Variants in CACHD1 observed in about 807,000 individuals in gnomAD.
CACHD1 encodes VWFA and cache domain-containing protein 1.
A neutral mutation model predicts 138.7 loss-of-function variants in CACHD1; 71 were observed. That is an observed-to-expected ratio of 0.51 (90% confidence interval 0.42 to 0.62). The LOEUF (loss-of-function observed/expected upper bound fraction) is 0.62. Among genes scored for constraint, CACHD1 ranks in the 20% least tolerant of loss-of-function variants. CACHD1 has a pLI of 0.00. For missense variants in CACHD1, 1,389 were observed against 1,625.3 expected, an observed-to-expected ratio of 0.85 and a Z score of 2.50; for synonymous variants, 578 against 591.5, an observed-to-expected ratio of 0.98 and a Z score of 0.33.
At chr1:64,664,441 A>C in intron 14 of CACHD1, 57 bp from the exon 15 acceptor site, 1 of 1,532,638 alleles carries the variant, frequency 6.5e-7, no homozygotes. Context: ...CCAGCAGCCC[A>C]CTCTCTTTTC....
At chr1:64,480,132 A>G (rs1376877242) in intron 1 of CACHD1, among the ~76,000 whole-genome samples, 1 of 152,148 alleles carries the variant, frequency 6.6e-6, no homozygotes, top group Non-Finnish European at 1.5e-5. Context: ...CAGGCCTGCC[A>G]TTTCTCCCTG....
At chr1:64,543,866 CTTTTTTT>C (rs370129207) in intron 1 of CACHD1, among the ~76,000 whole-genome samples, 1 of 77,510 alleles carries the variant, frequency 1.3e-5, no homozygotes, top group South Asian at 5.5e-4. Flanking sequence ...CTTTTCAGTG[CTTTTTTT>C]TTTTTTTTTT....
At chr1:64,605,629 C>A (rs901701350) in intron 4 of CACHD1, among the ~76,000 whole-genome samples, 3 of 152,118 alleles carry the variant, frequency 2.0e-5, no homozygotes, top group Admixed American at 1.3e-4. Flanking sequence ...AAAGGGCAGG[C>A]TTGGGCAGAC....
intron 8 of CACHD1, among the ~76,000 whole-genome samples, chr1:64,643,652 C>A (rs191864968): frequency 1.3e-5 from 2 of 152,050 alleles, no homozygotes; most frequent in South Asian, 2.1e-4. Context: ...CTGGCTAACA[C>A]GGTGAAACCC....
chr1:64,620,890 T>A (rs1025444281), intron 4 of CACHD1, among the ~76,000 whole-genome samples: 1 of 152,190 alleles, frequency 6.6e-6, no homozygotes, highest in Non-Finnish European at 1.5e-5. Context: ...ACTATTAAGA[T>A]CTTGTGCCTT....
chr1:64,675,306 A>G lies in CACHD1; in HGVS notation c.2728-95A>G, dbSNP rs917603546. ...AATCAGAAACATTTTATTTTAAGCT[A>G]TTTTTCGTAGGTAGTTGAAGAGTTG... On this transcript the variant is annotated intron_variant, in intron 19 of 26. Transcript: ENST00000651257. 1.6e-5 allele frequency: 15 copies of G among 927,346 alleles called. No homozygotes were observed. The South Asian group carries it at 2.0e-4, about 12-fold the overall frequency. 57.4% of individuals were successfully genotyped at this position (927,346 alleles called of 1,614,324 possible).
chr1:64,670,518 G>A (rs757022915), intron 16 of CACHD1, among the ~76,000 whole-genome samples: 3 of 152,158 alleles, frequency 2.0e-5, no homozygotes, highest in African/African-American at 4.8e-5. Context: ...TGGGGAGTTC[G>A]TTGGTCAAGT....
chr1:64,645,919 G>A (rs558857426), intron 8 of CACHD1, among the ~76,000 whole-genome samples: 6 of 152,148 alleles, frequency 3.9e-5, no homozygotes, highest in African/African-American at 1.2e-4. Flanking sequence ...CTTTAACCTG[G>A]TAGCATACAA....
intron 1 of CACHD1, among the ~76,000 whole-genome samples, chr1:64,512,849 C>A (rs1172764425): frequency 4.6e-5 from 7 of 152,110 alleles, no homozygotes; most frequent in African/African-American, 1.4e-4. Context: ...TTTTCTGCCA[C>A]CATTTAAGTG....
At chr1:64,616,395 T>G (rs887839634) in intron 4 of CACHD1, among the ~76,000 whole-genome samples, 2 of 152,122 alleles carry the variant, frequency 1.3e-5, no homozygotes, top group Non-Finnish European at 2.9e-5. Context: ...AGTTCAATTA[T>G]GATAACATGC....
chr1:64,471,613 C>T (rs1438730419), intron 1 of CACHD1, among the ~76,000 whole-genome samples: 2 of 152,242 alleles, frequency 1.3e-5, no homozygotes, highest in Non-Finnish European at 2.9e-5. Context: ...GACTCTAATC[C>T]TGCTGGGGGA....
chr1:64,592,383 C>T (rs959860335), intron 3 of CACHD1, among the ~76,000 whole-genome samples: 2 of 152,106 alleles, frequency 1.3e-5, no homozygotes, highest in Admixed American at 6.5e-5. Context: ...TCCAAGAGCT[C>T]ATAGGACACA....
At chr1:64,632,483 TC>T (rs2100640785) in intron 5 of CACHD1, 115 bp from the exon 6 acceptor site, 1 of 1,038,046 alleles carries the variant, frequency 9.6e-7, no homozygotes, top group African/African-American at 1.6e-5. Flanking sequence ...CCTTGTGCCA[TC>T]CCTGGGAGAA....
chr1:64,625,953 C>T (rs1431819641), intron 4 of CACHD1, among the ~76,000 whole-genome samples: 1 of 152,080 alleles, frequency 6.6e-6, no homozygotes, highest in African/African-American at 2.4e-5. Flanking sequence ...TTTGCTAAGT[C>T]GAGATGTTTG....
At chr1:64,676,580 C>CA (rs1264084121) in intron 21 of CACHD1, among the ~76,000 whole-genome samples, 2 of 152,152 alleles carry the variant, frequency 1.3e-5, no homozygotes, top group Non-Finnish European at 2.9e-5. Flanking sequence ...GCAATCCTCC[C>CA]ACCTTTCTAC....
intron 3 of CACHD1, among the ~76,000 whole-genome samples, chr1:64,598,167 T>C (rs1379901869): frequency 6.6e-6 from 1 of 152,152 alleles, no homozygotes; most frequent in African/African-American, 2.4e-5. Flanking sequence ...AGATAAGCAC[T>C]CTTCACTTTT....
At chr1:64,673,085 A>T in intron 17 of CACHD1, 73 bp from the exon 18 acceptor site, 3 of 1,218,678 alleles carry the variant, frequency 2.5e-6, no homozygotes, top group Non-Finnish European at 3.6e-6. Context: ...AGCAAGATAA[A>T]TGCTCTCTGA....
chr1:64,482,665 G>A (rs928135268), intron 1 of CACHD1, among the ~76,000 whole-genome samples: 3 of 152,148 alleles, frequency 2.0e-5, no homozygotes, highest in Admixed American at 2.0e-4. Context: ...GGGGAAATTT[G>A]CCACTTCTGT....
intron 13 of CACHD1, among the ~76,000 whole-genome samples, chr1:64,662,832 T>C (rs978659461): frequency 1.3e-5 from 2 of 152,248 alleles, no homozygotes; most frequent in African/African-American, 4.8e-5. Context: ...AGCTTTTGTT[T>C]GTGTCAAGTT....
Sources: allele counts gnomAD v4.1 joint callset (sites outside exome capture counted in the v4.1 genomes callset), GRCh38; gene constraint gnomAD v4.1.1; transcripts MANE v1.5; gene names NCBI Gene and HGNC (gene_info 2026-07-23, HGNC 2026-07-21).